Variants in MORN3 observed in about 807,000 individuals in gnomAD.
MORN3 encodes the protein MORN repeat-containing protein 3.
In MORN3, 38 loss-of-function variants were observed where a neutral mutation model predicts 34.7. The ratio of observed to expected loss-of-function variants is 1.10; its 90% CI spans 0.85 to 1.44. The LOEUF (loss-of-function observed/expected upper bound fraction) is 1.44, where lower values mean the gene tolerates loss of function less well. Ranked by LOEUF, MORN3 falls within the 40% of genes most tolerant of loss-of-function variation. The probability of loss-of-function intolerance (pLI) is 0.00; values close to 1 mark genes in which losing one functional copy is unlikely to be tolerated. For missense variants in MORN3, 311 were observed against 321.7 expected (o/e 0.97, Z 0.25); for synonymous variants, 109 against 115.3 (o/e 0.95, Z 0.35).
At chr12:121,652,525 C>G (rs1893281986) in intron 5 of MORN3, among the ~76,000 whole-genome samples, 1 of 152,234 alleles carries the variant, frequency 6.6e-6, no homozygotes, top group Non-Finnish European at 1.5e-5. Context: ...AGAGCCACCA[C>G]AGCCGGTCAA....
chr12:121,668,098 G>A (rs1025413333), intron 1 of MORN3, among the ~76,000 whole-genome samples: 1 of 151,112 alleles, frequency 6.6e-6, no homozygotes, highest in Non-Finnish European at 1.5e-5. Context: ...TTGAACTCCT[G>A]ACCTCAGGTG....
upstream of MORN3, among the ~76,000 whole-genome samples, chr12:121,671,348 A>G (rs1238752168): frequency 2.8e-4 from 40 of 144,130 alleles, no homozygotes; most frequent in Non-Finnish European, 4.7e-4. Flanking sequence ...GGAGCTTGCA[A>G]TGAGCCGAGA....
intron 1 of MORN3, among the ~76,000 whole-genome samples, chr12:121,662,611 G>A (rs1330890491): frequency 6.6e-6 from 1 of 151,950 alleles, no homozygotes; most frequent in Non-Finnish European, 1.5e-5. Context: ...AAAATTAGCT[G>A]GGCATGGTGG....
chr12:121,666,748 G>A lies in MORN3; in HGVS notation c.145+2591C>T, dbSNP rs117691080. ...CCTGCTGGATGTCTCTCACCTGGAT[G>A]TCTGCAAGGGCCTCTGAGGGGTCTT... On this transcript the variant is annotated intron_variant, in intron 1 of 5. Coordinates refer to ENST00000355329, the MANE Select transcript of MORN3 (RefSeq NM_173855.5). 1.1e-3 allele frequency among the ~76,000 whole-genome samples: 162 copies of A among 152,086 alleles called. 1 individual carries two copies. In the East Asian group the frequency reaches 0.029, roughly 27 times the overall value.
At chr12:121,664,160 A>G (rs1466427213) in intron 1 of MORN3, among the ~76,000 whole-genome samples, 4 of 152,150 alleles carry the variant, frequency 2.6e-5, no homozygotes, top group African/African-American at 4.8e-5. Context: ...GGAAAGCAAA[A>G]TGGAGACATG....
chr12:121,649,761 T>G lies in MORN3; in HGVS notation c.*1890A>C, dbSNP rs1283481990. The G allele has an allele frequency of 6.9e-6, 1 of 145,182 alleles. No homozygotes were observed. The highest frequency in any genetic ancestry group is 1.5e-5 in the Non-Finnish European group (1 of 66,888). 9.0% of individuals were successfully genotyped at this position (145,182 alleles called of 1,614,324 possible). A position where few individuals can be genotyped will look rare whatever the true frequency, so the allele number is the denominator to read the frequency against. The stretch of plus-strand genomic sequence containing the variant: ...TCTCGCTCTGTCGCCCAGGCTGGAG[T>G]GCAATGGCGCAATCTCGGCTCACTG... On this transcript the variant is annotated 3_prime_UTR_variant, in exon 6 of 6. Coordinates refer to ENST00000355329, the MANE Select transcript of MORN3 (RefSeq NM_173855.5).
intron 1 of MORN3, among the ~76,000 whole-genome samples, chr12:121,665,859 A>G (rs1893739951): frequency 6.6e-6 from 1 of 151,956 alleles, no homozygotes; most frequent in Non-Finnish European, 1.5e-5. Context: ...GACCCAACAG[A>G]AACCATACTG....
chr12:121,663,763 T>A (rs1893656935), intron 1 of MORN3, among the ~76,000 whole-genome samples: 2 of 151,936 alleles, frequency 1.3e-5, no homozygotes, highest in Admixed American at 6.6e-5. Context: ...TTTTTTATTT[T>A]TTTATTTTTT....
At chr12:121,659,080 G>A in intron 2 of MORN3, 111 bp downstream of exon 2, 1 of 1,400,746 alleles carries the variant, frequency 7.1e-7, no homozygotes, top group South Asian at 1.3e-5. Context: ...CCTCCCTGTA[G>A]ACCTCCCCTC....
At chr12:121,655,436 G>A (rs570739552) in intron 2 of MORN3, among the ~76,000 whole-genome samples, 26 of 151,966 alleles carry the variant, frequency 1.7e-4, no homozygotes, top group East Asian at 3.9e-4. Flanking sequence ...TTAGCCTGGC[G>A]TGGTGGCTTA....
intron 1 of MORN3, among the ~76,000 whole-genome samples, chr12:121,662,444 C>A (rs190325683): frequency 2.0e-5 from 3 of 151,810 alleles, no homozygotes; most frequent in Non-Finnish European, 2.9e-5. Context: ...CCAGCCTGGA[C>A]GACAGAGCGA....
chr12:121,662,148 C>A (rs756887195), intron 1 of MORN3, among the ~76,000 whole-genome samples: 1 of 151,868 alleles, frequency 6.6e-6, no homozygotes, highest in Non-Finnish European at 1.5e-5. Flanking sequence ...AGGGTGCATA[C>A]TTTTTGTTAC....
At position 121,653,083 on chromosome 12, in the gene MORN3, T is replaced by G; in HGVS notation, c.640A>C (p.Ile214Leu). ...TGGTGAGGGCTGCCCACCTCAGGAA[T>G]GGGGAACTGAGTGGGCTCAGGGGCC... ...DEAPEPTQFP[I>L]PEVKILDPDG... The change falls in exon 4 of 6, where the codon ATT becomes CTT. Residue 214 changes from isoleucine to leucine, a missense_variant. Physicochemically the swap from Ile to Leu is conservative, Grantham distance 5 (BLOSUM62 2). Transcript: ENST00000355329. 1 of 1,611,116 alleles carries G rather than the reference T, an allele frequency of 6.2e-7. No individual in the cohort carries two copies. The highest frequency in any genetic ancestry group is 8.5e-7 in the Non-Finnish European group (1 of 1,178,856).
At chr12:121,662,987 A>G (rs1352986066) in intron 1 of MORN3, among the ~76,000 whole-genome samples, 1 of 152,094 alleles carries the variant, frequency 6.6e-6, no homozygotes, top group Non-Finnish European at 1.5e-5. Context: ...CTCCGTCTCA[A>G]AAAGACAAAA....
chr12:121,666,952 CTTTTT>C (rs376062157), intron 1 of MORN3, among the ~76,000 whole-genome samples: 1 of 108,160 alleles, frequency 9.2e-6, no homozygotes, highest in African/African-American at 3.6e-5. Flanking sequence ...CCCACAACCT[CTTTTT>C]TTTTTTTTTT....
chr12:121,655,908 G>A (rs1214733385), intron 2 of MORN3, among the ~76,000 whole-genome samples: 5 of 151,970 alleles, frequency 3.3e-5, no homozygotes, highest in Non-Finnish European at 1.5e-5. Context: ...GTGGGTGCCC[G>A]TAGTCCCAGC....
intron 2 of MORN3, 88 bp downstream of exon 2, chr12:121,659,103 G>A (rs1314391582): frequency 6.6e-7 from 1 of 1,515,106 alleles, no homozygotes; most frequent in Non-Finnish European, 8.9e-7. Flanking sequence ...TTTTCTCCCA[G>A]GCCTCTCTCG....
At chr12:121,669,813 C>CATATATAT (rs750751662), upstream of MORN3, among the ~76,000 whole-genome samples, 22 of 136,000 alleles carry the variant, frequency 1.6e-4, no homozygotes, top group South Asian at 4.7e-4. Flanking sequence ...GTCATATATA[C>CATATATAT]ATATATATAT....
chr12:121,653,302 C>A (rs782120825), intron 3 of MORN3, 43 bp from the exon 4 acceptor site: 1 of 1,585,632 alleles, frequency 6.3e-7, no homozygotes, highest in Non-Finnish European at 8.6e-7. Flanking sequence ...GTACACCAAA[C>A]TAAGCTAGAC....
Sources: allele counts gnomAD v4.1 joint callset (sites outside exome capture counted in the v4.1 genomes callset), GRCh38; gene constraint gnomAD v4.1.1; transcripts MANE v1.5; gene names NCBI Gene and HGNC (gene_info 2026-07-23, HGNC 2026-07-21).